The following HBEGF variants were observed in gnomAD, a reference collection of about 807,000 sequenced individuals.
HBEGF encodes heparin binding EGF like growth factor.
In HBEGF, 8 loss-of-function variants were observed where a neutral mutation model predicts 19.5. The observed-to-expected ratio is 0.41, with a 90% CI of 0.24 to 0.74. The LOEUF (loss-of-function observed/expected upper bound fraction) is 0.74. Ranked by LOEUF, HBEGF falls within the 30% of genes least tolerant of loss-of-function variation. The probability of loss-of-function intolerance (pLI) is 0.32; values close to 1 mark genes in which losing one functional copy is unlikely to be tolerated. For missense variants in HBEGF, 207 were observed against 256.9 expected, an observed-to-expected ratio of 0.81 and a Z score of 1.33; for synonymous variants, 97 against 108.9, an observed-to-expected ratio of 0.89 and a Z score of 0.68.
At chr5:140,341,711 T>G (rs1321304601) in intron 3 of HBEGF, among the ~76,000 whole-genome samples, 2 of 152,208 alleles carry the variant, frequency 1.3e-5, no homozygotes, top group East Asian at 3.8e-4. Flanking sequence ...CTCTTGGCCC[T>G]GTCCAGAGTC....
chr5:140,343,173 A>G (rs1402071836), intron 2 of HBEGF: 2 of 208,368 alleles, frequency 9.6e-6, no homozygotes, highest in African/African-American at 4.6e-5. Flanking sequence ...CCCCACACCC[A>G]CTTCATTCTA....
intron 3 of HBEGF, among the ~76,000 whole-genome samples, chr5:140,336,383 G>A (rs919663303): frequency 6.6e-6 from 1 of 152,202 alleles, no homozygotes; most frequent in Non-Finnish European, 1.5e-5. Context: ...TTCTGTTTAA[G>A]CCACTTATGA....
At chr5:140,338,944 C>T (rs1766268309) in intron 3 of HBEGF, among the ~76,000 whole-genome samples, 1 of 152,218 alleles carries the variant, frequency 6.6e-6, no homozygotes. Context: ...CAGACTGGTT[C>T]TGCTGCTATT....
At chr5:140,342,864 G>A (rs1766336516) in intron 2 of HBEGF, 52 bp from the exon 3 acceptor site, 1 of 1,569,010 alleles carries the variant, frequency 6.4e-7, no homozygotes, top group African/African-American at 1.4e-5. Context: ...AAGAAAATCA[G>A]AAGAGCATAG....
intron 3 of HBEGF, among the ~76,000 whole-genome samples, chr5:140,339,208 C>T (rs897593487): frequency 6.6e-6 from 1 of 152,144 alleles, no homozygotes; most frequent in Non-Finnish European, 1.5e-5. Flanking sequence ...GAAGCGGGAT[C>T]ACCATTCCTT....
chr5:140,338,184 G>T (rs1766255938), intron 3 of HBEGF, among the ~76,000 whole-genome samples: 1 of 152,164 alleles, frequency 6.6e-6, no homozygotes, highest in Non-Finnish European at 1.5e-5. Flanking sequence ...CTCTGACTAT[G>T]TTATTATTAT....
chr5:140,334,897 G>T (rs775382362), intron 4 of HBEGF, 149 bp from the exon 5 acceptor site: 3 of 675,068 alleles, frequency 4.4e-6, no homozygotes, highest in Non-Finnish European at 8.0e-6. Flanking sequence ...CTGGTCAAAG[G>T]CCCAACTGCC....
chr5:140,336,852 C>A (rs551309836), intron 3 of HBEGF, among the ~76,000 whole-genome samples: 4 of 122,504 alleles, frequency 3.3e-5, no homozygotes, highest in Admixed American at 2.9e-4. Context: ...TTTTTTGAGA[C>A]AGAGTCTTGC....
At position 140,342,727 on chromosome 5, in the gene HBEGF, C is replaced by A. The variant is rs1221438183; in HGVS notation, c.306G>T (p.Gly102=). The change falls in exon 3 of 6, where the codon GGG becomes GGT. Residue 102 remains glycine, a synonymous_variant. Coordinates refer to ENST00000230990, the MANE Select transcript of HBEGF (RefSeq NM_001945.3). ...GKRKKKGKGL[G]KKRDPCLRKY... ...TCCGAAGACATGGGTCCCTCTTCTTCCCTAGCCCCTTGCCTTTCTTCTTTC... is the reference window on the plus strand; with the variant it reads ...TCCGAAGACATGGGTCCCTCTTCTTACCTAGCCCCTTGCCTTTCTTCTTTC... 1.2e-6 allele frequency: 2 copies of A among 1,614,192 alleles called. No homozygotes were observed. The highest frequency in any genetic ancestry group is 1.1e-5 in the South Asian group (1 of 91,076).
intron 3 of HBEGF, among the ~76,000 whole-genome samples, chr5:140,338,285 A>G (rs967901029): frequency 6.6e-6 from 1 of 152,234 alleles, no homozygotes; most frequent in African/African-American, 2.4e-5. Context: ...ACTGCTTTAC[A>G]AGAATTATTT....
At chr5:140,340,607 A>T (rs1428047887) in intron 3 of HBEGF, among the ~76,000 whole-genome samples, 64 of 146,696 alleles carry the variant, frequency 4.4e-4, no homozygotes, top group Non-Finnish European at 3.9e-4. Context: ...AAAAAAAAAG[A>T]AAGAAAGAAA....
chr5:140,339,582 G>C (rs571553985), intron 3 of HBEGF, among the ~76,000 whole-genome samples: 1 of 151,832 alleles, frequency 6.6e-6, no homozygotes, highest in African/African-American at 2.4e-5. Flanking sequence ...TAGTAGAGAC[G>C]GGGGTTTCTC....
chr5:140,346,119 GC>G lies in HBEGF; in HGVS notation c.47-36del. 1 of 1,596,810 alleles carries G rather than the reference GC, an allele frequency of 6.3e-7. No individual in the cohort carries two copies. Among genetic ancestry groups the G allele is most frequent in the African/African-American group, 1.3e-5 (1 of 74,542 alleles). On this transcript the variant is annotated intron_variant, in intron 1 of 5. Coordinates refer to ENST00000230990, the MANE Select transcript of HBEGF (RefSeq NM_001945.3). This position sits in a 1 kb window ranked among gnomAD's most constrained non-coding sequence, Gnocchi z 6.1. The stretch of plus-strand genomic sequence containing the variant: ...AGAGGCCAGGCCGCATCAGACACCC[GC>G]CCAGACCCCTGACCAACACGCACCG...
chr5:140,340,230 G>A (rs1766287102), intron 3 of HBEGF, among the ~76,000 whole-genome samples: 1 of 151,726 alleles, frequency 6.6e-6, no homozygotes, highest in Admixed American at 6.6e-5. Flanking sequence ...AGGCTGCAGA[G>A]AGCCGAGATT....
chr5:140,334,842 T>C (rs1379914295), intron 4 of HBEGF, 94 bp from the exon 5 acceptor site: 1 of 1,020,614 alleles, frequency 9.8e-7, no homozygotes, highest in Admixed American at 1.7e-5. Context: ...CATGGTGGTT[T>C]CCTCTACTAC....
chr5:140,335,538 A>T (rs1323835172), intron 4 of HBEGF, among the ~76,000 whole-genome samples: 1 of 152,124 alleles, frequency 6.6e-6, no homozygotes, highest in Admixed American at 6.6e-5. Flanking sequence ...CACCTTGACT[A>T]CCAAACCACA....
chr5:140,340,098 C>T (rs1411685247), intron 3 of HBEGF, among the ~76,000 whole-genome samples: 1 of 152,010 alleles, frequency 6.6e-6, no homozygotes, highest in Non-Finnish European at 1.5e-5. Flanking sequence ...ACCAGCCTGG[C>T]CAACATGGTG....
Position 140,334,277 on chromosome 5 carries a change from A to G in HBEGF, c.*22T>C, listed in dbSNP as rs1284604859. On this transcript the variant is annotated 3_prime_UTR_variant, in exon 6 of 6. Transcript: ENST00000230990. Reference sequence around the variant, plus strand: ...TCTCAGAGGTAGCAGTCCCCAGCCGATTCCTAAAGCACAAAAGGAAGGCAT... The same window carrying G: ...TCTCAGAGGTAGCAGTCCCCAGCCGGTTCCTAAAGCACAAAAGGAAGGCAT... 4 of 179,640 alleles carry G rather than the reference A, an allele frequency of 2.2e-5. No individual in the cohort carries two copies. Among genetic ancestry groups the G allele is most frequent in the African/African-American group, 9.5e-5 (4 of 42,278 alleles). 11.1% of individuals were successfully genotyped at this position (179,640 alleles called of 1,614,324 possible). A position where few individuals can be genotyped will look rare whatever the true frequency, so the allele number is the denominator to read the frequency against.
intron 3 of HBEGF, among the ~76,000 whole-genome samples, chr5:140,341,014 C>CA (rs1766303105): frequency 6.6e-6 from 1 of 152,228 alleles, no homozygotes; most frequent in South Asian, 2.1e-4. Context: ...TATATCTCTC[C>CA]AGCTCCTAAA....
Sources: allele counts gnomAD v4.1 joint callset (sites outside exome capture counted in the v4.1 genomes callset), GRCh38; gene constraint gnomAD v4.1.1; non-coding constraint Gnocchi (gnomAD v3.1); transcripts MANE v1.5; gene names NCBI Gene and HGNC (gene_info 2026-07-23, HGNC 2026-07-21).